The following NRXN3 variants were observed in gnomAD, a reference collection of about 807,000 sequenced individuals.
NRXN3 encodes the protein neurexin III.
In NRXN3, 32 loss-of-function variants were observed where a neutral mutation model predicts 137.6. The ratio of observed to expected loss-of-function variants is 0.23; its 90% CI spans 0.18 to 0.31. The LOEUF (loss-of-function observed/expected upper bound fraction) is 0.31. Ranked by LOEUF, NRXN3 falls within the 10% of genes least tolerant of loss-of-function variation. NRXN3 has a pLI of 1.00. For synonymous variants in NRXN3, 798 were observed against 784.5 expected, an observed-to-expected ratio of 1.02 and a Z score of -0.29; for missense variants, 1,574 against 2,062.5, an observed-to-expected ratio of 0.76 and a Z score of 4.59.
chr14:78,438,169 C>T (rs17107585), intron 4 of NRXN3, among the ~76,000 whole-genome samples: 26,405 of 152,006 alleles, frequency 0.17, 3,966 homozygotes, highest in African/African-American at 0.4. Context: ...CAAAAATAAT[C>T]CTCAGGTTTC....
At chr14:78,315,596 C>T (rs548701499) in intron 4 of NRXN3, among the ~76,000 whole-genome samples, 10 of 152,238 alleles carry the variant, frequency 6.6e-5, no homozygotes, top group South Asian at 2.1e-4. Flanking sequence ...ATTTGTTATA[C>T]GTAGATTTTT....
intron 15 of NRXN3, among the ~76,000 whole-genome samples, chr14:79,352,601 T>G (rs1323096200): frequency 6.6e-6 from 1 of 152,144 alleles, no homozygotes; most frequent in African/African-American, 2.4e-5. Flanking sequence ...AAAGAATGTT[T>G]GTCTTCTGGA....
chr14:79,734,843 C>A (rs1286153868), intron 19 of NRXN3, among the ~76,000 whole-genome samples: 4 of 152,236 alleles, frequency 2.6e-5, no homozygotes, highest in Non-Finnish European at 5.9e-5. Flanking sequence ...ACAAGGCATC[C>A]CACTCTTGGC....
intron 4 of NRXN3, among the ~76,000 whole-genome samples, chr14:78,504,996 G>C (rs2095958656): frequency 6.6e-6 from 1 of 152,052 alleles, no homozygotes; most frequent in African/African-American, 2.4e-5. Flanking sequence ...TTTGCCCTAA[G>C]GTTACACAAA....
intron 20 of NRXN3, among the ~76,000 whole-genome samples, chr14:79,824,946 CTGATAATGTACTT>C (rs1289582755): frequency 2.6e-5 from 4 of 152,140 alleles, no homozygotes; most frequent in African/African-American, 9.7e-5. Flanking sequence ...ACATGAAAAA[CTGATAATGTACTT>C]AGGTATTACC....
At chr14:78,176,188 T>A (rs1053964160) in intron 1 of NRXN3, among the ~76,000 whole-genome samples, 1 of 152,202 alleles carries the variant, frequency 6.6e-6, no homozygotes. Context: ...CTGGAGGAAT[T>A]GCAACATGCT....
At chr14:79,683,355 T>C (rs544063263) in intron 17 of NRXN3, among the ~76,000 whole-genome samples, 2 of 152,168 alleles carry the variant, frequency 1.3e-5, no homozygotes, top group African/African-American at 2.4e-5. Flanking sequence ...AAACAAAAAC[T>C]CACGCATGCT....
chr14:79,583,241 A>G (rs1386540938), intron 16 of NRXN3, among the ~76,000 whole-genome samples: 6 of 152,196 alleles, frequency 3.9e-5, no homozygotes, highest in African/African-American at 1.2e-4. Flanking sequence ...ATCTTAAAAT[A>G]GAGATAATTA....
At chr14:79,639,051 A>G (rs540489133) in intron 16 of NRXN3, among the ~76,000 whole-genome samples, 1 of 152,052 alleles carries the variant, frequency 6.6e-6, no homozygotes, top group South Asian at 2.1e-4. Flanking sequence ...CCTCCTTCAC[A>G]TACACACTCC....
intron 16 of NRXN3, among the ~76,000 whole-genome samples, chr14:79,509,521 A>AAT (rs889438191): frequency 1.5e-5 from 2 of 136,288 alleles, no homozygotes; most frequent in African/African-American, 2.9e-5. Context: ...GTCTCAAAAA[A>AAT]ATATATATAT....
intron 4 of NRXN3, among the ~76,000 whole-genome samples, chr14:78,628,540 A>G (rs1373745019): frequency 1.3e-5 from 2 of 152,232 alleles, no homozygotes; most frequent in Non-Finnish European, 2.9e-5. Flanking sequence ...AATGAATAAA[A>G]TTATTGAGTG....
intron 19 of NRXN3, among the ~76,000 whole-genome samples, chr14:79,802,665 A>T (rs892986488): frequency 6.6e-6 from 1 of 152,116 alleles, no homozygotes; most frequent in Admixed American, 6.6e-5. Flanking sequence ...TATTTATTTC[A>T]ACAGTTAACT....
At chr14:79,304,888 T>G (rs1289596863) in intron 15 of NRXN3, among the ~76,000 whole-genome samples, 2 of 152,038 alleles carry the variant, frequency 1.3e-5, no homozygotes, top group Admixed American at 1.3e-4. Context: ...GGTCTTTGCT[T>G]CGTGCTAAAG....
intron 1 of NRXN3, among the ~76,000 whole-genome samples, chr14:78,207,177 C>A (rs2062280489): frequency 6.6e-6 from 1 of 152,048 alleles, no homozygotes; most frequent in Non-Finnish European, 1.5e-5. Flanking sequence ...CCACATTGGA[C>A]TTTCTAAGGA....
chr14:79,806,855 ATATTAATAGG>A (rs2099207794), intron 20 of NRXN3, among the ~76,000 whole-genome samples: 2 of 146,516 alleles, frequency 1.4e-5, no homozygotes, highest in Admixed American at 1.4e-4. Context: ...AAGGGTTCAT[ATATTAATAGG>A]TCACAATCCT....
At chr14:78,813,738 T>C (rs1477613061) in intron 10 of NRXN3, among the ~76,000 whole-genome samples, 1 of 152,168 alleles carries the variant, frequency 6.6e-6, no homozygotes, top group Non-Finnish European at 1.5e-5. Flanking sequence ...TGTGACACTC[T>C]TTAATGGAGA....
Position 78,803,639 on chromosome 14 carries a change from T to C in NRXN3, c.2064T>C (p.Tyr688=). ...TCEREASILS[Y]DGSMYMKIIM... ...TGGCAGAGGCATCCATCCTGAGCTA[T>C]GATGGTAGCATGTACATGAAGATCA... The change falls in exon 9 of 21, where the codon TAT becomes TAC. Residue 688 remains tyrosine (Y), a synonymous_variant. Transcript: ENST00000335750. 1 of 1,613,994 alleles carries C rather than the reference T, an allele frequency of 6.2e-7. No homozygotes were observed. Among genetic ancestry groups the C allele is most frequent in the Non-Finnish European group, 8.5e-7 (1 of 1,179,842 alleles).
chr14:78,666,007 T>C (rs1027907676), intron 6 of NRXN3, among the ~76,000 whole-genome samples: 1 of 152,212 alleles, frequency 6.6e-6, no homozygotes, highest in Non-Finnish European at 1.5e-5. Flanking sequence ...GTTACTGTGC[T>C]CAGTCAGCAT....
chr14:79,381,549 C>T (rs897538413), intron 15 of NRXN3, among the ~76,000 whole-genome samples: 3 of 152,114 alleles, frequency 2.0e-5, no homozygotes, highest in African/African-American at 7.2e-5. Flanking sequence ...CGGCTGTTCT[C>T]TCAGTACCCC....
Sources: allele counts gnomAD v4.1 joint callset (sites outside exome capture counted in the v4.1 genomes callset), GRCh38; gene constraint gnomAD v4.1.1; transcripts MANE v1.5; gene names NCBI Gene and HGNC (gene_info 2026-07-23, HGNC 2026-07-21).